The following FAAH2 variants were observed in gnomAD, a reference collection of about 807,000 sequenced individuals.
The protein encoded by FAAH2 is fatty-acid amide hydrolase 2.
A neutral mutation model predicts 36.9 loss-of-function variants in FAAH2; 60 were observed. That is an observed-to-expected ratio of 1.63 (90% CI 1.32 to 2.02). The LOEUF is 2.02. Among genes scored for constraint, FAAH2 ranks in the 30% most tolerant of loss-of-function variants. The pLI is 0.00. For missense variants in FAAH2, 689 were observed against 397.5 expected (o/e 1.73, Z -6.23); for synonymous variants, 214 against 143.8 (o/e 1.49, Z -3.49).
the FAAH2 span, chrX:57,229,379 T>G: frequency 7.1e-5 from 8 of 112,140 alleles, no homozygotes; most frequent in East Asian, 1.7e-3. Context: ...CTAAAAAACC[T>G]TGAGACACAT....
intron 4 of FAAH2, among the ~76,000 whole-genome samples, chrX:57,332,240 A>G (rs910139295): frequency 2.3e-4 from 26 of 112,319 alleles, no homozygotes; most frequent in African/African-American, 8.1e-4. Flanking sequence ...CCTTGGTCAC[A>G]TGAAGTAGGT....
At chrX:57,244,700 G>C in the FAAH2 span, among the ~76,000 whole-genome samples, 1 of 111,455 alleles carries the variant, frequency 9.0e-6, no homozygotes, top group South Asian at 3.8e-4. Context: ...CTCACCACCA[G>C]GCCTGCCTTC....
At chrX:57,138,416 T>C in the FAAH2 span, among the ~76,000 whole-genome samples, 3 of 109,632 alleles carry the variant, frequency 2.7e-5, no homozygotes, top group African/African-American at 1.0e-4. Flanking sequence ...GGAATAATAT[T>C]TTATTATATA....
chrX:57,329,223 G>T (rs1278115960), intron 3 of FAAH2, among the ~76,000 whole-genome samples: 1 of 112,064 alleles, frequency 8.9e-6, no homozygotes, highest in Admixed American at 9.4e-5. Context: ...CCATCATGCA[G>T]GTGTTTGCAG....
intron 7 of FAAH2, among the ~76,000 whole-genome samples, chrX:57,387,349 G>C (rs1262569009): frequency 9.0e-6 from 1 of 111,306 alleles, no homozygotes; most frequent in Non-Finnish European, 1.9e-5. Context: ...GTATATTCTT[G>C]TAAAACTCAA....
intron 8 of FAAH2, among the ~76,000 whole-genome samples, chrX:57,437,439 T>C (rs186641094): frequency 1.8e-5 from 2 of 110,072 alleles, no homozygotes; most frequent in Admixed American, 2.0e-4. Context: ...AAGTGAAATT[T>C]TTTCCTGTTA....
chrX:57,250,491 A>C, the FAAH2 span, among the ~76,000 whole-genome samples: 1 of 111,339 alleles, frequency 9.0e-6, no homozygotes, highest in Non-Finnish European at 1.9e-5. Context: ...AAAATTTGCT[A>C]TGACAGTAGA....
At chrX:57,267,595 C>G in the FAAH2 span, among the ~76,000 whole-genome samples, 3 of 112,126 alleles carry the variant, frequency 2.7e-5, no homozygotes, top group East Asian at 8.4e-4. Context: ...GGCAGGTACC[C>G]CCTGCATCCA....
chrX:57,323,944 G>C (rs2053124417), intron 3 of FAAH2, among the ~76,000 whole-genome samples: 2 of 110,961 alleles, frequency 1.8e-5, no homozygotes, highest in Non-Finnish European at 3.8e-5. Flanking sequence ...GTATTGCCTA[G>C]GTTTTCTTCT....
At chrX:57,230,932 G>T in the FAAH2 span, among the ~76,000 whole-genome samples, 1 of 109,539 alleles carries the variant, frequency 9.1e-6, no homozygotes, top group Non-Finnish European at 1.9e-5. Flanking sequence ...TTGTTTTCTT[G>T]CTTTTGTGCT....
intron 7 of FAAH2, among the ~76,000 whole-genome samples, chrX:57,430,429 G>C (rs2056267850): frequency 9.0e-6 from 1 of 111,481 alleles, no homozygotes; most frequent in East Asian, 2.8e-4. Flanking sequence ...TCTTCCAGGG[G>C]ACCCATTCTT....
chrX:57,347,363 T>A (rs1352178600), intron 5 of FAAH2, among the ~76,000 whole-genome samples: 1 of 111,519 alleles, frequency 9.0e-6, no homozygotes, highest in Non-Finnish European at 1.9e-5. Context: ...CTGTCAATAC[T>A]TCCTACTGTA....
At chrX:57,152,182 G>C in the FAAH2 span, among the ~76,000 whole-genome samples, 1 of 112,107 alleles carries the variant, frequency 8.9e-6, no homozygotes, top group Non-Finnish European at 1.9e-5. Context: ...TGCCCCTACT[G>C]GGGGGTACCT....
chrX:57,301,571 C>T (rs1489544987), intron 2 of FAAH2, among the ~76,000 whole-genome samples: 1 of 104,982 alleles, frequency 9.5e-6, no homozygotes. Context: ...ATGTAACAAA[C>T]CTGCACGTTG....
chrX:57,343,353 G>T (rs755739162), intron 5 of FAAH2, among the ~76,000 whole-genome samples: 1 of 111,680 alleles, frequency 9.0e-6, no homozygotes, highest in South Asian at 3.7e-4. Context: ...GTCTTTATAT[G>T]CATTTCTCTG....
rs1438841364 is a variant in FAAH2, at chrX:57,388,295, A to T, written c.996+7266A>T. On this transcript the variant is annotated intron_variant, in intron 7 of 10. Coordinates refer to ENST00000374900, the MANE Select transcript of FAAH2 (RefSeq NM_174912.4). ...GCAGAAACTCAATAGTTGCTAACTG[A>T]TGTTGGTCTGTAATTCTTTCTAAGT... Among the ~76,000 whole-genome samples, 8 of 111,397 alleles carry T rather than the reference A, an allele frequency of 7.2e-5. No individual in the cohort carries two copies. The Admixed American group carries it at 7.7e-4, about 11-fold the overall frequency.
intron 7 of FAAH2, among the ~76,000 whole-genome samples, chrX:57,423,437 G>A (rs759387772): frequency 4.5e-5 from 5 of 111,143 alleles, no homozygotes; most frequent in African/African-American, 1.6e-4. Context: ...AGGGAGTTCG[G>A]CAGCCTGGGA....
intron 4 of FAAH2, among the ~76,000 whole-genome samples, chrX:57,333,379 G>A (rs1462370481): frequency 9.0e-6 from 1 of 111,201 alleles, no homozygotes; most frequent in Non-Finnish European, 1.9e-5. Flanking sequence ...ACAATTATAA[G>A]GCATACTAAA....
intron 3 of FAAH2, among the ~76,000 whole-genome samples, chrX:57,322,965 T>G (rs2053078595): frequency 9.0e-6 from 1 of 110,883 alleles, no homozygotes; most frequent in Admixed American, 9.7e-5. Context: ...GTATATCCCC[T>G]AATGCTATCC....
Sources: allele counts gnomAD v4.1 joint callset (sites outside exome capture counted in the v4.1 genomes callset), GRCh38; gene constraint gnomAD v4.1.1; transcripts MANE v1.5; gene names NCBI Gene and HGNC (gene_info 2026-07-23, HGNC 2026-07-21).